The following ZNF185 variants were observed in gnomAD, a reference collection of about 807,000 sequenced individuals.
ZNF185 encodes zinc finger protein 185 with LIM domain.
In ZNF185, 56 loss-of-function variants were observed where a neutral mutation model predicts 58.6. The ratio of observed to expected loss-of-function variants is 0.95; its 90% CI spans 0.77 to 1.19. The LOEUF (loss-of-function observed/expected upper bound fraction) is 1.19, where lower values mean the gene tolerates loss of function less well. Among genes scored for constraint, ZNF185 ranks in the 50% most tolerant of loss-of-function variants. The pLI, the probability that ZNF185 is intolerant of heterozygous loss-of-function variation, is 0.00. For missense variants in ZNF185, 627 were observed against 573.5 expected (o/e 1.09, Z -0.95); for synonymous variants, 230 against 215.9 (o/e 1.07, Z -0.57).
chrX:152,951,597 C>T (rs1373891166), intron 16 of ZNF185, among the ~76,000 whole-genome samples: 3 of 111,405 alleles, frequency 2.7e-5, no homozygotes, highest in African/African-American at 6.5e-5. Context: ...CACTTATTTA[C>T]TTATTATAAT....
intron 16 of ZNF185, among the ~76,000 whole-genome samples, chrX:152,957,062 T>C (rs2048904152): frequency 9.8e-6 from 1 of 102,303 alleles, no homozygotes; most frequent in African/African-American, 3.7e-5. Context: ...ATAAAATTTT[T>C]TACAAGGTTA....
chrX:152,963,786 G>C, intron 17 of ZNF185, 53 bp from the exon 20 acceptor site: 1 of 1,110,956 alleles, frequency 9.0e-7, no homozygotes, highest in Non-Finnish European at 1.2e-6. Context: ...TTTGACCCTG[G>C]AAGGTGTCAG....
the ZNF185 span, among the ~76,000 whole-genome samples, chrX:152,898,108 A>ACCGCGCCCCGCGCCCCGCGCCCCGCGCC: frequency 6.8e-4 from 71 of 104,098 alleles, no homozygotes; most frequent in African/African-American, 1.3e-3. Flanking sequence ...CCCGCTGTGC[A>ACCGCGCCCCGCGCCCCGCGCCCCGCGCC]CCGCGCCCCG....
intron 7 of ZNF185, 30 bp downstream of exon 8, chrX:152,919,111 G>A (rs782061350): frequency 1.0e-4 from 111 of 1,111,049 alleles, no homozygotes; most frequent in South Asian, 8.7e-4. Flanking sequence ...TGGGCATCCC[G>A]GGGGGCAGGG....
At chrX:152,952,935 G>A (rs2048442351) in intron 16 of ZNF185, among the ~76,000 whole-genome samples, 1 of 108,729 alleles carries the variant, frequency 9.2e-6, no homozygotes, top group South Asian at 4.1e-4. Flanking sequence ...TGAGGAGGAG[G>A]AAGGGCACCC....
intron 17 of ZNF185, among the ~76,000 whole-genome samples, chrX:152,963,125 G>A (rs782784654): frequency 1.8e-5 from 2 of 113,036 alleles, no homozygotes; most frequent in East Asian, 2.8e-4. Context: ...GCCCAACATC[G>A]TGCCCTGAAC....
At chrX:152,968,132 G>A (rs1426313060) in intron 20 of ZNF185, among the ~76,000 whole-genome samples, 2 of 112,329 alleles carry the variant, frequency 1.8e-5, no homozygotes, top group Non-Finnish European at 3.8e-5. Context: ...ACAAGCATAT[G>A]GGGCCAGGGA....
At chrX:152,922,280 C>T in intron 10 of ZNF185, 24 bp downstream of exon 11, 1 of 1,154,817 alleles carries the variant, frequency 8.7e-7, no homozygotes, top group Non-Finnish European at 1.2e-6. Context: ...CTCATCTCTG[C>T]CTGGGGCTGG....
chrX:152,945,614 T>G, intron 16 of ZNF185, 150 bp downstream of exon 18: 2 of 647,731 alleles, frequency 3.1e-6, no homozygotes, highest in Non-Finnish European at 4.5e-6. Context: ...GTCATGGTGA[T>G]TCCCTGGTCC....
intron 12 of ZNF185, among the ~76,000 whole-genome samples, chrX:152,929,327 TG>T (rs1282086214): frequency 9.1e-6 from 1 of 110,363 alleles, no homozygotes; most frequent in Non-Finnish European, 1.9e-5. Context: ...ATTCGGGGGC[TG>T]GGGTGGAGGC....
intron 12 of ZNF185, among the ~76,000 whole-genome samples, chrX:152,928,874 C>T (rs1374881408): frequency 8.8e-6 from 1 of 113,169 alleles, no homozygotes; most frequent in East Asian, 2.8e-4. Context: ...TGTGTAAGGG[C>T]ACAGGCCCGA....
At chrX:152,952,707 G>A (rs1425062981) in intron 16 of ZNF185, among the ~76,000 whole-genome samples, 2 of 111,382 alleles carry the variant, frequency 1.8e-5, no homozygotes, top group Non-Finnish European at 3.8e-5. Flanking sequence ...GTCCAAGGTG[G>A]TGAAAAGAAG....
chrX:152,918,157 G>A lies in ZNF185; in HGVS notation c.431+3G>A, dbSNP rs782273217. 3 of 1,188,818 alleles carry A rather than the reference G, an allele frequency of 2.5e-6. No individual in the cohort carries two copies. Among genetic ancestry groups the A allele is most frequent in the Non-Finnish European group, 3.4e-6 (3 of 883,540 alleles). On this transcript the variant is annotated splice_donor_region_variant and intron_variant, in intron 6 of 22. Coordinates refer to ENST00000449285, the Ensembl canonical transcript of ZNF185. ...ACCACTGAGGATTACAAGAAGCTGT[G>A]AGTATGCAACGCCAGGCTCAGCGTG...
intron 16 of ZNF185, among the ~76,000 whole-genome samples, chrX:152,948,907 G>A (rs1250960041): frequency 1.8e-5 from 2 of 111,980 alleles, no homozygotes; most frequent in Admixed American, 9.5e-5. Flanking sequence ...TGAGAAGAGT[G>A]ACTGAAGTGG....
chrX:152,916,818 G>A (rs782569636), intron 3 of ZNF185, among the ~76,000 whole-genome samples: 20 of 112,796 alleles, frequency 1.8e-4, no homozygotes, highest in Admixed American at 5.6e-4. Context: ...GTGCTCCGTC[G>A]GCGCAGCACT....
At chrX:152,965,681 G>T (rs781823492) in intron 19 of ZNF185, among the ~76,000 whole-genome samples, 154 bp downstream of exon 21, 13 of 110,974 alleles carry the variant, frequency 1.2e-4, no homozygotes, top group Non-Finnish European at 2.1e-4. Context: ...CCTCTGATGG[G>T]ATTGATGCAT....
At chrX:152,931,207 A>G (rs1556876967) in intron 12 of ZNF185, among the ~76,000 whole-genome samples, 1 of 112,445 alleles carries the variant, frequency 8.9e-6, no homozygotes, top group African/African-American at 3.2e-5. Context: ...CAAAAAACAA[A>G]AAACAGTAGC....
the ZNF185 span, among the ~76,000 whole-genome samples, chrX:152,899,154 C>T: frequency 8.9e-6 from 1 of 112,135 alleles, no homozygotes; most frequent in Non-Finnish European, 1.9e-5. Context: ...CTGTGAGCCC[C>T]GAGAGAGGGC....
intron 20 of ZNF185, 29 bp downstream of exon 22, chrX:152,967,267 G>A: frequency 8.5e-7 from 1 of 1,182,855 alleles, no homozygotes; most frequent in Non-Finnish European, 1.1e-6. Context: ...CACGGAGCTT[G>A]CACTTCTACA....
Sources: gnomAD v4.1 joint callset for allele counts (sites outside exome capture counted in the v4.1 genomes callset) on GRCh38, gnomAD v4.1.1 for gene constraint, MANE v1.5 for transcripts, NCBI Gene and HGNC (gene_info 2026-07-23, HGNC 2026-07-21) for gene names.